RASIP1: variants seen among roughly 807,000 people sequenced by gnomAD.
The protein encoded by RASIP1 is ras-interacting protein 1.
In RASIP1, 20 loss-of-function variants were observed where a neutral mutation model predicts 85.3. The ratio of observed to expected loss-of-function variants is 0.23; its 90% confidence interval spans 0.17 to 0.34. The LOEUF (loss-of-function observed/expected upper bound fraction) is 0.34. Ranked by LOEUF, RASIP1 falls within the 10% of genes least tolerant of loss-of-function variation. RASIP1 has a pLI of 1.00. For missense variants in RASIP1, 1,170 were observed against 1,390.9 expected (o/e 0.84, Z 2.53); for synonymous variants, 617 against 647.1 (o/e 0.95, Z 0.71).
Position 48,740,311 on chromosome 19 carries a change from A to G in RASIP1, c.-4-25T>C. The G allele has an allele frequency of 6.4e-7, 1 of 1,563,814 alleles. No homozygotes were observed. The highest frequency in any genetic ancestry group is 1.2e-5 in the South Asian group (1 of 85,924). ...CCTAAGGGAAGGCGGGTAAGGCCCC[A>G]ACTCCTAAGGCATTCTTGTGGGGAT... is the stretch of plus-strand genomic sequence containing the variant. On this transcript the variant is annotated intron_variant, in intron 1 of 11. Coordinates refer to ENST00000222145, the MANE Select transcript of RASIP1 (RefSeq NM_017805.3). This position sits in a 1 kb window ranked among gnomAD's most constrained non-coding sequence, Gnocchi z 5.5.
At chr19:48,727,305 C>G in intron 6 of RASIP1, 88 bp downstream of exon 6, 1 of 1,552,434 alleles carries the variant, frequency 6.4e-7, no homozygotes, top group East Asian at 2.3e-5. Flanking sequence ...GAAACTTGCA[C>G]TGGGGCATGC....
At position 48,726,788 on chromosome 19, in the gene RASIP1, G is replaced by A. The variant is rs2033349986; in HGVS notation, c.2124C>T (p.Thr708=). ...GAAGTAAGAGGCAAGGGCCAACCTTGGTGAGGTAGTAGACAGACTGCTGGA... is the reference window on the plus strand; with the variant it reads ...GAAGTAAGAGGCAAGGGCCAACCTTAGTGAGGTAGTAGACAGACTGCTGGA... ...CTFQQSVYYL[T]KTLYSTLPAL... Residue 708 remains threonine (T), a synonymous_variant, in exon 8 of 12, where the codon ACC becomes ACT. Coordinates refer to ENST00000222145, the MANE Select transcript of RASIP1 (RefSeq NM_017805.3). 1 of 1,605,708 alleles carries A rather than the reference G, an allele frequency of 6.2e-7. No homozygotes were observed. The highest frequency in any genetic ancestry group is 1.1e-5 in the South Asian group (1 of 89,832).
Position 48,740,181 on chromosome 19 carries a change from C to G in RASIP1, c.102G>C (p.Lys34Asn), listed in dbSNP as rs1264142758. Reference sequence around the variant, plus strand: ...CTGCGCTGGGCCAGCGCCGCCCCAGCTTCGCCAGCTGCTTCCTGGGGGAAT... The same window carrying G: ...CTGCGCTGGGCCAGCGCCGCCCCAGGTTCGCCAGCTGCTTCCTGGGGGAAT... ...WINSPRKQLA[K>N]LGRRWPSAAS... The change falls in exon 2 of 12, where the codon AAG (lysine) becomes AAC (asparagine). Residue 34 changes from lysine (K) to asparagine (N), a missense_variant. Coordinates refer to ENST00000222145, the MANE Select transcript of RASIP1 (RefSeq NM_017805.3). This position sits in a 1 kb window ranked among gnomAD's most constrained non-coding sequence, Gnocchi z 5.5. The G allele has an allele frequency of 2.5e-6, 4 of 1,595,440 alleles. No individual in the cohort carries two copies. Among genetic ancestry groups the G allele is most frequent in the Non-Finnish European group, 3.4e-6 (4 of 1,173,720 alleles).
At position 48,724,710 on chromosome 19, in the gene RASIP1, C is replaced by T. The variant is rs756689051; in HGVS notation, c.2371+7G>A. ...TGCCTCCCTGACAGCTCCCAGCCAA[C>T]CTTCACCTCGTTCCATCAGCGAGTT... On this transcript the variant is annotated splice_region_variant and intron_variant, in intron 9 of 11. Coordinates refer to ENST00000222145, the MANE Select transcript of RASIP1 (RefSeq NM_017805.3). This position sits in a 1 kb window ranked among gnomAD's most constrained non-coding sequence, Gnocchi z 4.6. 6.2e-7 allele frequency: 1 copy of T among 1,614,096 alleles called. No individual in the cohort carries two copies. The highest frequency in any genetic ancestry group is 8.5e-7 in the Non-Finnish European group (1 of 1,179,984).
intron 10 of RASIP1, 52 bp from the exon 11 acceptor site, chr19:48,722,053 A>C (rs988389129): frequency 7.5e-7 from 1 of 1,338,134 alleles, no homozygotes; most frequent in African/African-American, 1.5e-5. Flanking sequence ...GCAGTTAAGA[A>C]ATGAAATGGA....
chr19:48,730,504 C>T (rs1465949401), intron 4 of RASIP1, among the ~76,000 whole-genome samples: 1 of 152,064 alleles, frequency 6.6e-6, no homozygotes, highest in African/African-American at 2.4e-5. Flanking sequence ...TTCTTTCCCT[C>T]AAGCATTAGA....
intron 10 of RASIP1, among the ~76,000 whole-genome samples, chr19:48,723,663 G>A (rs1280377572): frequency 6.6e-6 from 1 of 152,072 alleles, no homozygotes; most frequent in Non-Finnish European, 1.5e-5. Context: ...CTTCGATGGG[G>A]CTTTGTCAGC....
chr19:48,728,792 A>T, intron 5 of RASIP1, 145 bp downstream of exon 5: 1 of 973,878 alleles, frequency 1.0e-6, no homozygotes, highest in Non-Finnish European at 1.4e-6. Flanking sequence ...AAACAAACAA[A>T]ACCCAAAACC....
In RASIP1 at chr19:48,738,957, C is replaced by G. The variant is rs1002957462; in HGVS notation, c.823+3G>C. On this transcript the variant is annotated splice_donor_region_variant and intron_variant, in intron 3 of 11. Coordinates refer to ENST00000222145, the MANE Select transcript of RASIP1 (RefSeq NM_017805.3). This position sits in a 1 kb window ranked among gnomAD's most constrained non-coding sequence, Gnocchi z 4.0. The stretch of plus-strand genomic sequence containing the variant: ...CCGCCCCAGAGCCCCGCCCGCCGCT[C>G]ACCTTCGCTGTCCGCGGCCCCGAAG... The G allele has an allele frequency of 1.3e-5, 16 of 1,213,404 alleles. No homozygotes were observed. Among genetic ancestry groups the G allele is most frequent in the Non-Finnish European group, 1.6e-5 (16 of 977,016 alleles). 75.2% of individuals were successfully genotyped at this position (1,213,404 alleles called of 1,614,324 possible).
chr19:48,737,611 C>A, intron 3 of RASIP1: 1 of 985,420 alleles, frequency 1.0e-6, no homozygotes, highest in Non-Finnish European at 1.2e-6. Context: ...CAGGCCTGAT[C>A]TAGGAACCTG....
At chr19:48,725,660 G>C (rs1049387704) in intron 8 of RASIP1, 1 of 152,284 alleles carries the variant, frequency 6.6e-6, no homozygotes, top group Non-Finnish European at 1.5e-5. Flanking sequence ...TGAAAGGGAA[G>C]TGAATTCAGA....
At chr19:48,732,963 C>T (rs1388707819) in intron 4 of RASIP1, among the ~76,000 whole-genome samples, 1 of 152,204 alleles carries the variant, frequency 6.6e-6, no homozygotes, top group African/African-American at 2.4e-5. Flanking sequence ...ACTTGTTTAG[C>T]TTGGCTGTAC....
chr19:48,739,552 C>A lies in RASIP1; in HGVS notation c.231G>T (p.Ala77=). ...VELRRVGAVK[A]AGGASGSRAK... Reference sequence around the variant, plus strand: ...CGCGGCTACCGGAGGCTCCCCCGGCCGCCTTGACAGCGCCCACTCGCCGCA... The same window carrying A: ...CGCGGCTACCGGAGGCTCCCCCGGCAGCCTTGACAGCGCCCACTCGCCGCA... Residue 77 remains alanine (A), a synonymous_variant, in exon 3 of 12, where the codon GCG becomes GCT. Transcript: ENST00000222145. This position sits in a 1 kb window ranked among gnomAD's most constrained non-coding sequence, Gnocchi z 9.2. The A allele has an allele frequency of 6.6e-7, 1 of 1,514,434 alleles. No individual in the cohort carries two copies. Among genetic ancestry groups the A allele is most frequent in the Middle Eastern group, 2.2e-4 (1 of 4,624 alleles). 93.8% of individuals were successfully genotyped at this position (1,514,434 alleles called of 1,614,324 possible). A position where few individuals can be genotyped will look rare whatever the true frequency, so the allele number is the denominator to read the frequency against.
In RASIP1 at chr19:48,728,920, G is replaced by A; in HGVS notation, c.1833+17C>T. ...TGGGGCGCTGGTGGGGCTGGACGGCGATTGGGGGGCGCTCACCCAGACGGC... is the reference window on the plus strand; with the variant it reads ...TGGGGCGCTGGTGGGGCTGGACGGCAATTGGGGGGCGCTCACCCAGACGGC... On this transcript the variant is annotated intron_variant, in intron 5 of 11. Transcript: ENST00000222145. 7.0e-7 allele frequency: 1 copy of A among 1,433,858 alleles called. No individual in the cohort carries two copies. The highest frequency in any genetic ancestry group is 9.1e-7 in the Non-Finnish European group (1 of 1,103,914). The allele number at this position is 1,433,858 out of a possible 1,614,324, so 88.8% of individuals were successfully genotyped here.
Position 48,738,919 on chromosome 19 carries a change from TG to T in RASIP1, c.823+40del. ...CCCCGCCCCACGGACCCCGCCTCTC[TG>T]GCACCGAGTCCCCGCCCCAGAGCCC... On this transcript the variant is annotated intron_variant, in intron 3 of 11. Coordinates refer to ENST00000222145, the MANE Select transcript of RASIP1 (RefSeq NM_017805.3). The surrounding 1 kb of genome is among the most constrained non-coding windows in gnomAD (Gnocchi z 4.0). The T allele has an allele frequency of 3.3e-6, 3 of 904,096 alleles. No homozygotes were observed. Among genetic ancestry groups the T allele is most frequent in the African/African-American group, 2.2e-5 (1 of 45,966 alleles). 56.0% of individuals were successfully genotyped at this position (904,096 alleles called of 1,614,324 possible).
At position 48,728,928 on chromosome 19, in the gene RASIP1, G is replaced by A; in HGVS notation, c.1833+9C>T. On this transcript the variant is annotated intron_variant, in intron 5 of 11. Transcript: ENST00000222145. ...TGGTGGGGCTGGACGGCGATTGGGG[G>A]GCGCTCACCCAGACGGCCTCCTTGA... The A allele has an allele frequency of 7.0e-7, 1 of 1,438,664 alleles. No homozygotes were observed. Among genetic ancestry groups the A allele is most frequent in the Non-Finnish European group, 9.0e-7 (1 of 1,106,700 alleles). 89.1% of individuals were successfully genotyped at this position (1,438,664 alleles called of 1,614,324 possible).
chr19:48,738,992 T>C lies in RASIP1; in HGVS notation c.791A>G (p.Glu264Gly), dbSNP rs1191541255. 8.2e-7 allele frequency: 1 copy of C among 1,225,858 alleles called. No homozygotes were observed. The highest frequency in any genetic ancestry group is 1.0e-6 in the Non-Finnish European group (1 of 991,920). 75.9% of individuals were successfully genotyped at this position (1,225,858 alleles called of 1,614,324 possible). The change falls in exon 3 of 12, where the codon GAG becomes GGG. Residue 264 changes from glutamate to glycine, a missense_variant. Around this residue, in one of 4 missense-constraint regions of RASIP1, gnomAD observed 301 missense variants for 294.8 expected, o/e 1.02. Transcript: ENST00000222145. The surrounding 1 kb of genome is among the most constrained non-coding windows in gnomAD (Gnocchi z 4.0). The part of the protein sequence containing the change: ...LRGREEARRL[E>G]QEAFGAADSE... The stretch of plus-strand genomic sequence containing the variant: ...GTCCGCGGCCCCGAAGGCCTCCTGC[T>C]CCAGGCGCCGCGCCTCCTCGCGGCC...
In RASIP1 at chr19:48,739,282, C is replaced by T. The variant is rs2033627853; in HGVS notation, c.501G>A (p.Thr167=). The change falls in exon 3 of 12, where the codon ACG becomes ACA. Residue 167 remains threonine, a synonymous_variant. Transcript: ENST00000222145. This position sits in a 1 kb window ranked among gnomAD's most constrained non-coding sequence, Gnocchi z 9.2. ...SGANYKSVLA[T]ARSTARELVA... ...CGAGCTCGCGCGCCGTGGAGCGCGCCGTGGCCAGCACGCTCTTGTAGTTGG... is the reference window on the plus strand; with the variant it reads ...CGAGCTCGCGCGCCGTGGAGCGCGCTGTGGCCAGCACGCTCTTGTAGTTGG... 1 of 1,465,212 alleles carries T rather than the reference C, an allele frequency of 6.8e-7. No individual in the cohort carries two copies. The highest frequency in any genetic ancestry group is 9.0e-7 in the Non-Finnish European group (1 of 1,117,142). The allele number at this position is 1,465,212 out of a possible 1,614,324, so 90.8% of individuals were successfully genotyped here.
rs1199897666 is a variant in RASIP1, at chr19:48,720,709, A to C, written c.*89T>G. On this transcript the variant is annotated 3_prime_UTR_variant, in exon 12 of 12. Transcript: ENST00000222145. ...ACATTCCACGCGGGATAAGAACTACAACTCCCAGAAAGCTTTGCGCTCAGG... is the reference window on the plus strand; with the variant it reads ...ACATTCCACGCGGGATAAGAACTACCACTCCCAGAAAGCTTTGCGCTCAGG... 3.6e-6 allele frequency: 5 copies of C among 1,407,938 alleles called. No individual in the cohort carries two copies. The highest frequency in any genetic ancestry group is 1.8e-5 in the Admixed American group (1 of 55,588). 87.2% of individuals were successfully genotyped at this position (1,407,938 alleles called of 1,614,324 possible).
Sources: gnomAD v4.1 joint callset for allele counts (sites outside exome capture counted in the v4.1 genomes callset) on GRCh38, gnomAD v4.1.1 for gene constraint, gnomAD v4.1.1 regional missense constraint, Gnocchi (gnomAD v3.1) non-coding constraint, MANE v1.5 for transcripts, NCBI Gene and HGNC (gene_info 2026-07-23, HGNC 2026-07-21) for gene names.